The following CTNNA3 variants were observed in gnomAD, a reference collection of about 807,000 sequenced individuals.
CTNNA3 encodes catenin alpha 3, also known as catenin alpha-3.
A neutral mutation model predicts 95.7 loss-of-function variants in CTNNA3; 76 were observed. The observed-to-expected ratio is 0.79, with a 90% CI of 0.66 to 0.96. The LOEUF (loss-of-function observed/expected upper bound fraction) is 0.96. Ranked by LOEUF, CTNNA3 falls within the 40% of genes least tolerant of loss-of-function variation. The pLI, the probability that CTNNA3 is intolerant of heterozygous loss-of-function variation, is 0.00. For synonymous variants in CTNNA3, 431 were observed against 374.4 expected (o/e 1.15, Z -1.74); for missense variants, 1,191 against 1,089.8 (o/e 1.09, Z -1.31).
chr10:67,258,914 A>C (rs558569564), intron 5 of CTNNA3, among the ~76,000 whole-genome samples: 43 of 152,358 alleles, frequency 2.8e-4, no homozygotes, highest in African/African-American at 9.9e-4. Flanking sequence ...ATAAAATAGC[A>C]TAGTATTTGT....
At chr10:66,476,918 C>T (rs1839347058) in intron 11 of CTNNA3, among the ~76,000 whole-genome samples, 2 of 151,950 alleles carry the variant, frequency 1.3e-5, no homozygotes, top group Admixed American at 6.6e-5. Context: ...TTCTCATGTC[C>T]TCCTAAGTCA....
At chr10:66,107,828 G>C (rs150206866) in intron 13 of CTNNA3, among the ~76,000 whole-genome samples, 182 of 151,976 alleles carry the variant, frequency 1.2e-3, no homozygotes, top group Middle Eastern at 6.8e-3. Flanking sequence ...AACACAGGAA[G>C]AAAATAAAAA....
chr10:67,567,998 G>A (rs1429544249), intron 3 of CTNNA3, among the ~76,000 whole-genome samples: 2 of 152,086 alleles, frequency 1.3e-5, no homozygotes, highest in Admixed American at 6.6e-5. Context: ...GCCTACAGTA[G>A]TTGACAACTT....
intron 10 of CTNNA3, among the ~76,000 whole-genome samples, chr10:66,561,444 A>T (rs1179154443): frequency 1.3e-5 from 2 of 152,118 alleles, no homozygotes; most frequent in African/African-American, 2.4e-5. Flanking sequence ...ATATCACAGG[A>T]CTATTTCTCA....
chr10:65,966,747 C>A lies in CTNNA3; in HGVS notation c.2266-1G>T. 6.2e-7 allele frequency: 1 copy of A among 1,601,098 alleles called. No individual in the cohort carries two copies. Among genetic ancestry groups the A allele is most frequent in the Non-Finnish European group, 8.5e-7 (1 of 1,170,850 alleles). ...CCTGTTTACAAGATGGATCTGGGCA[C>A]TAAATATGAATCAAAGATAAAAATA... On this transcript the variant is annotated splice_acceptor_variant, in intron 16 of 17. Transcript: ENST00000433211. LOFTEE classifies it high-confidence loss of function.
At chr10:66,273,018 C>T (rs1489256917) in intron 13 of CTNNA3, among the ~76,000 whole-genome samples, 2 of 152,158 alleles carry the variant, frequency 1.3e-5, no homozygotes, top group Admixed American at 6.6e-5. Flanking sequence ...AAAACTAATA[C>T]CAGTTTCTTT....
intron 4 of CTNNA3, among the ~76,000 whole-genome samples, chr10:67,534,160 G>A (rs1009783496): frequency 1.3e-4 from 19 of 151,884 alleles, no homozygotes; most frequent in Admixed American, 8.5e-4. Flanking sequence ...GAAATAAAAA[G>A]GCAGTCCTCT....
chr10:67,033,847 C>T (rs1173375469), intron 7 of CTNNA3, among the ~76,000 whole-genome samples: 1 of 151,938 alleles, frequency 6.6e-6, no homozygotes, highest in African/African-American at 2.4e-5. Flanking sequence ...CTCAGCTCAC[C>T]GCAACCTCTG....
intron 10 of CTNNA3, among the ~76,000 whole-genome samples, chr10:66,521,486 T>C (rs1841066949): frequency 6.6e-6 from 1 of 152,198 alleles, no homozygotes; most frequent in African/African-American, 2.4e-5. Context: ...GGACTGTAAG[T>C]TGAATGCCCA....
chr10:67,435,253 G>T (rs74144445), intron 5 of CTNNA3, among the ~76,000 whole-genome samples: 271 of 152,008 alleles, frequency 1.8e-3, no homozygotes, highest in African/African-American at 6.1e-3. Context: ...CATTCATACT[G>T]TTCAGCAACA....
intron 1 of CTNNA3, among the ~76,000 whole-genome samples, chr10:67,720,283 T>A (rs564937190): frequency 2.6e-5 from 4 of 151,412 alleles, no homozygotes; most frequent in African/African-American, 4.9e-5. Flanking sequence ...GTTTATCCAA[T>A]TTGCCAGTCT....
intron 11 of CTNNA3, among the ~76,000 whole-genome samples, chr10:66,417,412 T>A (rs1383170342): frequency 6.6e-6 from 1 of 151,850 alleles, no homozygotes; most frequent in Non-Finnish European, 1.5e-5. Context: ...AAAGAAAGAC[T>A]CCAATGCAAT....
intron 4 of CTNNA3, among the ~76,000 whole-genome samples, chr10:67,532,291 T>C (rs917226491): frequency 1.3e-4 from 20 of 152,216 alleles, no homozygotes; most frequent in Non-Finnish European, 2.9e-4. Context: ...ATATCTTCAG[T>C]AATAAAAGGC....
chr10:65,944,491 T>C (rs2077479107), intron 17 of CTNNA3, among the ~76,000 whole-genome samples: 1 of 152,240 alleles, frequency 6.6e-6, no homozygotes, highest in Admixed American at 6.5e-5. Flanking sequence ...GCATAATTTA[T>C]CTTCCAGAAA....
chr10:66,350,436 C>CA (rs1390853463), intron 12 of CTNNA3, among the ~76,000 whole-genome samples: 7 of 151,792 alleles, frequency 4.6e-5, no homozygotes, highest in Non-Finnish European at 2.9e-5. Flanking sequence ...GTTCTTTTCC[C>CA]AATCAAAAAT....
At chr10:66,845,081 A>G (rs772550461) in intron 7 of CTNNA3, among the ~76,000 whole-genome samples, 9 of 152,210 alleles carry the variant, frequency 5.9e-5, no homozygotes, top group African/African-American at 2.4e-5. Flanking sequence ...AACAATAGAG[A>G]ACACACTTTC....
At chr10:66,033,964 C>T (rs1275702310) in intron 15 of CTNNA3, among the ~76,000 whole-genome samples, 1 of 152,174 alleles carries the variant, frequency 6.6e-6, no homozygotes, top group African/African-American at 2.4e-5. Context: ...GTGAGGCCTT[C>T]AGTTATGAAG....
chr10:66,360,597 T>TTCTTTCTTTCTTTCTTTC (rs1564895720), intron 12 of CTNNA3, among the ~76,000 whole-genome samples: 504 of 36,908 alleles, frequency 0.014, 109 homozygotes, highest in Middle Eastern at 0.075. Flanking sequence ...TATTCTTTCC[T>TTCTTTCTTTCTTTCTTTC]TCTTTCTTTC....
rs1449008557 is a variant in CTNNA3, at chr10:65,913,369, T to C, written c.*6961A>G. ...TAAGCCTCAATTATTAGGTACTAAA[T>C]TGGGCATAAAATATGTCTACTTCTG... On this transcript the variant is annotated 3_prime_UTR_variant, in exon 18 of 18. Coordinates refer to ENST00000433211, the MANE Select transcript of CTNNA3 (RefSeq NM_013266.4). 6.6e-6 allele frequency: 1 copy of C among 152,172 alleles called. No individual in the cohort carries two copies. Among genetic ancestry groups the C allele is most frequent in the Non-Finnish European group, 1.5e-5 (1 of 68,030 alleles). The allele number at this position is 152,172 out of a possible 1,614,324, so 9.4% of individuals were successfully genotyped here.
Sources: allele counts gnomAD v4.1 joint callset (sites outside exome capture counted in the v4.1 genomes callset), GRCh38; gene constraint gnomAD v4.1.1; transcripts MANE v1.5; gene names NCBI Gene and HGNC (gene_info 2026-07-23, HGNC 2026-07-21).